Variants in DIAPH1 observed in about 807,000 individuals in gnomAD.
DIAPH1 encodes the protein protein diaphanous homolog 1.
In DIAPH1, 46 loss-of-function variants were observed where a neutral mutation model predicts 140.7. The ratio of observed to expected loss-of-function variants is 0.33; its 90% CI spans 0.26 to 0.42. The LOEUF is 0.42. Ranked by LOEUF, DIAPH1 falls within the 10% of genes least tolerant of loss-of-function variation. DIAPH1 has a pLI of 1.00. For missense variants in DIAPH1, 1,310 were observed against 1,558.7 expected (o/e 0.84, Z 2.69); for synonymous variants, 565 against 551.6 (o/e 1.02, Z -0.34).
intron 18 of DIAPH1, chr5:141,536,018 G>A (rs1385069772): frequency 2.1e-6 from 1 of 469,370 alleles, no homozygotes; most frequent in Non-Finnish European, 4.4e-6. Context: ...ATTCACTCTT[G>A]GCTGGGCACA....
chr5:141,515,068 G>C lies in DIAPH1; in HGVS notation c.*1783C>G, dbSNP rs960408883. 6.6e-6 allele frequency: 1 copy of C among 152,606 alleles called. No homozygotes were observed. Among genetic ancestry groups the C allele is most frequent in the African/African-American group, 2.4e-5 (1 of 41,436 alleles). The allele number at this position is 152,606 out of a possible 1,614,324, so 9.5% of individuals were successfully genotyped here. ...CAGTTGGAAACAAAACCAACAAACT[G>C]GAGGTGATGACATCCCAGAAGCCTA... On this transcript the variant is annotated 3_prime_UTR_variant, in exon 28 of 28. Transcript: ENST00000389054.
intron 8 of DIAPH1, among the ~76,000 whole-genome samples, chr5:141,579,891 T>G (rs1255039709): frequency 7.0e-6 from 1 of 142,656 alleles, no homozygotes. Flanking sequence ...GAGTTTGCAG[T>G]GGGCCGAGAT....
chr5:141,617,810 G>A (rs118148650), intron 1 of DIAPH1, among the ~76,000 whole-genome samples: 1 of 152,250 alleles, frequency 6.6e-6, no homozygotes, highest in East Asian at 1.9e-4. Context: ...AAATATGATA[G>A]GGTTACATGT....
intron 1 of DIAPH1, among the ~76,000 whole-genome samples, chr5:141,591,307 T>C (rs2099898358): frequency 6.6e-6 from 1 of 152,042 alleles, no homozygotes; most frequent in Non-Finnish European, 1.5e-5. Flanking sequence ...CTCACAGCAC[T>C]AAAAATGGAT....
intron 27 of DIAPH1, among the ~76,000 whole-genome samples, chr5:141,517,701 T>C (rs1453915857): frequency 6.6e-6 from 1 of 151,970 alleles, no homozygotes; most frequent in Non-Finnish European, 1.5e-5. Context: ...TAATAAAAAC[T>C]ATGCCAGGGA....
chr5:141,525,134 G>C (rs151174630), intron 26 of DIAPH1, among the ~76,000 whole-genome samples: 1 of 152,176 alleles, frequency 6.6e-6, no homozygotes, highest in African/African-American at 2.4e-5. Context: ...ATAGCATTAC[G>C]AAGTTGTGGC....
At chr5:141,570,197 A>G (rs1021976865) in intron 18 of DIAPH1, among the ~76,000 whole-genome samples, 3 of 152,176 alleles carry the variant, frequency 2.0e-5, no homozygotes, top group African/African-American at 7.2e-5. Context: ...TTCATTTGCA[A>G]TGGCACTAAA....
At position 141,553,714 on chromosome 5, in the gene DIAPH1, G is replaced by A. The variant is rs938431137; in HGVS notation, c.2482+17714C>T. On this transcript the variant is annotated intron_variant, in intron 18 of 27. Transcript: ENST00000389054. Reference sequence around the variant, plus strand: ...GGGAAAAAAGACTAAAAACTAAAGAGGTAAGTACCTATTTAAAAAAATTAG... The same window carrying A: ...GGGAAAAAAGACTAAAAACTAAAGAAGTAAGTACCTATTTAAAAAAATTAG... Among the ~76,000 whole-genome samples, 13 of 151,260 alleles carry A rather than the reference G, an allele frequency of 8.6e-5. No individual in the cohort carries two copies. In the South Asian group the frequency reaches 1.1e-3, roughly 12 times the overall value.
chr5:141,614,814 T>C (rs1181223484), intron 1 of DIAPH1, among the ~76,000 whole-genome samples: 2 of 80,652 alleles, frequency 2.5e-5, no homozygotes, highest in Non-Finnish European at 4.7e-5. Context: ...TCATCATCTG[T>C]TAAAAAAAAA....
At chr5:141,539,884 T>C (rs1364507226) in intron 18 of DIAPH1, among the ~76,000 whole-genome samples, 2 of 151,770 alleles carry the variant, frequency 1.3e-5, no homozygotes, top group East Asian at 3.9e-4. Context: ...TTGGTTTCAC[T>C]GATTGTCTCT....
chr5:141,585,155 C>T (rs1297051351), intron 3 of DIAPH1, among the ~76,000 whole-genome samples: 1 of 152,106 alleles, frequency 6.6e-6, no homozygotes, highest in African/African-American at 2.4e-5. Flanking sequence ...CGGGGTTTCA[C>T]CATCTTGGCC....
chr5:141,603,498 A>T (rs754215432), intron 1 of DIAPH1, among the ~76,000 whole-genome samples: 8 of 152,246 alleles, frequency 5.3e-5, no homozygotes, highest in Non-Finnish European at 7.3e-5. Context: ...TTCCAAAATC[A>T]GCATCTTTTT....
chr5:141,578,632 T>C lies in DIAPH1; in HGVS notation c.934-7A>G. The C allele has an allele frequency of 6.2e-7, 1 of 1,610,460 alleles. No homozygotes were observed. Among genetic ancestry groups the C allele is most frequent in the Non-Finnish European group, 8.5e-7 (1 of 1,177,934 alleles). On this transcript the variant is annotated splice_region_variant and splice_polypyrimidine_tract_variant and intron_variant, in intron 9 of 27. Transcript: ENST00000389054. ...TCAGCTGTAGGCATCCAACCTAAAA[T>C]AAGAAAATTCAGCAGCTATGTCAAT...
At chr5:141,575,941 C>T (rs762745078) in intron 14 of DIAPH1, among the ~76,000 whole-genome samples, 1 of 152,158 alleles carries the variant, frequency 6.6e-6, no homozygotes, top group Non-Finnish European at 1.5e-5. Flanking sequence ...GCCTAAAATG[C>T]CAAGCAAACC....
chr5:141,573,901 G>A lies in DIAPH1; in HGVS notation c.1949C>T (p.Thr650Ile). The A allele has an allele frequency of 1.3e-6, 2 of 1,548,074 alleles. No individual in the cohort carries two copies. The highest frequency in any genetic ancestry group is 1.4e-5 in the African/African-American group (1 of 72,798). Residue 650 changes from threonine to isoleucine, a missense_variant, in exon 16 of 28, where the codon ACC (threonine) becomes ATC (isoleucine). Thr to Ile is a moderately conservative substitution (Grantham distance 89). Around this residue, in one of 3 missense-constraint regions of DIAPH1, gnomAD observed 589 missense variants for 549.3 expected, o/e 1.07. Coordinates refer to ENST00000389054, the MANE Select transcript of DIAPH1 (RefSeq NM_005219.5). ...SPPPPLSGDA[T>I]IPPPPPLPEG... Reference sequence around the variant, plus strand: ...AGGCAAAGGAGGGGGTGGAGGGATGGTAGCATCCCCAGACAAAGGAGGGGG... The same window carrying A: ...AGGCAAAGGAGGGGGTGGAGGGATGATAGCATCCCCAGACAAAGGAGGGGG...
At chr5:141,525,830 G>C (rs1467110807) in intron 26 of DIAPH1, among the ~76,000 whole-genome samples, 5 of 152,146 alleles carry the variant, frequency 3.3e-5, no homozygotes, top group African/African-American at 1.2e-4. Context: ...GCAAAGGAGA[G>C]AAAAGGTAAT....
At chr5:141,557,369 AT>A (rs959355442) in intron 18 of DIAPH1, among the ~76,000 whole-genome samples, 3 of 152,196 alleles carry the variant, frequency 2.0e-5, no homozygotes, top group Non-Finnish European at 4.4e-5. Flanking sequence ...CTAGCTGTTG[AT>A]TAAGTTTTTT....
At chr5:141,557,545 GA>G in intron 18 of DIAPH1, among the ~76,000 whole-genome samples, 1 of 152,296 alleles carries the variant, frequency 6.6e-6, no homozygotes, top group East Asian at 1.9e-4. Context: ...ACAGCTAAGT[GA>G]AAGGGGTTCC....
intron 18 of DIAPH1, among the ~76,000 whole-genome samples, chr5:141,553,322 T>C (rs908123911): frequency 1.4e-5 from 2 of 144,424 alleles, no homozygotes; most frequent in Admixed American, 1.4e-4. Context: ...ACTTAAGAGA[T>C]GTGTCCCAAA....
Sources: allele counts gnomAD v4.1 joint callset (sites outside exome capture counted in the v4.1 genomes callset), GRCh38; gene constraint gnomAD v4.1.1; regional missense constraint gnomAD v4.1.1; transcripts MANE v1.5; gene names NCBI Gene and HGNC (gene_info 2026-07-23, HGNC 2026-07-21).